The following KCTD17 variants were observed in gnomAD, a reference collection of about 807,000 sequenced individuals.
The protein encoded by KCTD17 is BTB/POZ domain-containing protein KCTD17.
A neutral mutation model predicts 41.5 loss-of-function variants in KCTD17; 20 were observed. The observed-to-expected ratio is 0.48, with a 90% CI of 0.34 to 0.70. The LOEUF (loss-of-function observed/expected upper bound fraction) is 0.70. Ranked by LOEUF, KCTD17 falls within the 30% of genes least tolerant of loss-of-function variation. The pLI is 0.01. For synonymous variants in KCTD17, 156 were observed against 173.8 expected, an observed-to-expected ratio of 0.90 and a Z score of 0.80; for missense variants, 317 against 427.2, an observed-to-expected ratio of 0.74 and a Z score of 2.27.
chr22:37,059,196 A>G (rs1925482101), intron 4 of KCTD17, 117 bp from the exon 5 acceptor site: 6 of 1,442,926 alleles, frequency 4.2e-6, no homozygotes, highest in Non-Finnish European at 5.7e-6. Flanking sequence ...GGGCCCGACA[A>G]GCCGCAAGAT....
rs754439410 is a variant in KCTD17, at chr22:37,060,828, G to A, written c.618G>A (p.Thr206=). ...SSESSRKTKS[T]EEQLEEQQQQ... ...GTCCGCCGGCTGGTTCACAGAGCAC[G>A]GAGGAGCAGCTGGAGGAGCAGCAGC... Residue 206 remains threonine, a synonymous_variant, in exon 6 of 9, where the codon ACG becomes ACA. Coordinates refer to ENST00000403888, the MANE Select transcript of KCTD17 (RefSeq NM_001282684.2). The A allele has an allele frequency of 4.6e-6, 7 of 1,512,084 alleles. No homozygotes were observed. The highest frequency in any genetic ancestry group is 4.9e-5 in the East Asian group (2 of 40,744). 93.7% of individuals were successfully genotyped at this position (1,512,084 alleles called of 1,614,324 possible). A position where few individuals can be genotyped will look rare whatever the true frequency, so the allele number is the denominator to read the frequency against.
chr22:37,057,704 GGC>G (rs1410004866), intron 4 of KCTD17, among the ~76,000 whole-genome samples: 1 of 152,226 alleles, frequency 6.6e-6, no homozygotes, highest in Non-Finnish European at 1.5e-5. Context: ...GAGCCCCAGT[GGC>G]CATAGGACAG....
Position 37,056,668 on chromosome 22 carries a change from C to T in KCTD17, c.390+257C>T, listed in dbSNP as rs184661225. On this transcript the variant is annotated intron_variant, in intron 3 of 8. Coordinates refer to ENST00000403888, the MANE Select transcript of KCTD17 (RefSeq NM_001282684.2). ...TGTGTTGGGCCAGGCTCGCCCTCTC[C>T]GGACCTTGATTTTCTCTTATGGGAT... is the stretch of plus-strand genomic sequence containing the variant. Among the ~76,000 whole-genome samples, 1,013 of 152,292 alleles carry T rather than the reference C, an allele frequency of 6.7e-3. 10 individuals carry two copies. Among genetic ancestry groups the T allele is most frequent in the African/African-American group, 0.023 (945 of 41,552 alleles).
chr22:37,062,577 C>T lies in KCTD17; in HGVS notation c.928C>T (p.Leu310Phe). The change falls in exon 9 of 9, where the codon CTT becomes TTT. Residue 310 changes from leucine to phenylalanine, a missense_variant. Physicochemically the swap from Leu to Phe is conservative, Grantham distance 22. Transcript: ENST00000403888. ...TGAGGCCCCAGATCACCTCCAGGGA[C>T]TTGGGGTTCCCATCTGAAATCCTTT... ...GCEAPDHLQG[L>F]GVPI The T allele has an allele frequency of 1.2e-6, 2 of 1,613,392 alleles. No individual in the cohort carries two copies. The highest frequency in any genetic ancestry group is 8.5e-7 in the Non-Finnish European group (1 of 1,179,708).
chr22:37,052,468 C>G (rs1303042097), intron 1 of KCTD17: 4 of 454,176 alleles, frequency 8.8e-6, no homozygotes, highest in Non-Finnish European at 1.8e-5. Context: ...CTGCCGCGAC[C>G]TTGAGTCGGA....
At chr22:37,052,755 C>T (rs1433176236) in intron 1 of KCTD17, 1 of 439,176 alleles carries the variant, frequency 2.3e-6, no homozygotes, top group Non-Finnish European at 4.6e-6. Flanking sequence ...GACAGTGGGG[C>T]TGGCTTCAGG....
At position 37,061,282 on chromosome 22, in the gene KCTD17, C is replaced by G. The variant is rs1925746727; in HGVS notation, c.784+107C>G. 3.9e-6 allele frequency: 6 copies of G among 1,535,640 alleles called. No individual in the cohort carries two copies. Among genetic ancestry groups the G allele is most frequent in the Non-Finnish European group, 5.2e-6 (6 of 1,144,128 alleles). The stretch of plus-strand genomic sequence containing the variant: ...GTTTTCTCTCTGCCTGCTCACGCCT[C>G]CATCCCGGGTCTGCCCTGGTCCCAG... On this transcript the variant is annotated intron_variant, in intron 7 of 8. Transcript: ENST00000403888. This position sits in a 1 kb window ranked among gnomAD's most constrained non-coding sequence, Gnocchi z 6.6.
At chr22:37,056,242 T>C in intron 2 of KCTD17, 78 bp from the exon 3 acceptor site, 2 of 1,286,098 alleles carry the variant, frequency 1.6e-6, no homozygotes, top group South Asian at 1.4e-5. Context: ...AGAGGTGGGT[T>C]TCGGGGTGGA....
intron 5 of KCTD17, 131 bp downstream of exon 5, chr22:37,059,569 C>A: frequency 9.2e-7 from 1 of 1,081,146 alleles, no homozygotes; most frequent in Non-Finnish European, 1.3e-6. Context: ...CAACCCCATG[C>A]TCACAGCCAC....
chr22:37,060,982 T>C, intron 6 of KCTD17, 60 bp downstream of exon 6: 1 of 1,542,716 alleles, frequency 6.5e-7, no homozygotes, highest in Non-Finnish European at 8.8e-7. Flanking sequence ...CGCCCACTCC[T>C]TGCTGGAGCC....
intron 2 of KCTD17, among the ~76,000 whole-genome samples, chr22:37,054,220 G>A (rs1289977165): frequency 6.6e-6 from 1 of 152,174 alleles, no homozygotes; most frequent in African/African-American, 2.4e-5. Context: ...TAATCCCTAG[G>A]GGAGCACAGA....
At chr22:37,062,425 G>A (rs544187968) in intron 8 of KCTD17, 100 bp from the exon 9 acceptor site, 387 of 582,232 alleles carry the variant, frequency 6.6e-4, no homozygotes, top group African/African-American at 4.1e-3. Flanking sequence ...TCCCCCACCC[G>A]TCAATCTCCT....
chr22:37,061,499 C>T lies in KCTD17; in HGVS notation c.785-40C>T. On this transcript the variant is annotated intron_variant, in intron 7 of 8. Coordinates refer to ENST00000403888, the MANE Select transcript of KCTD17 (RefSeq NM_001282684.2). The surrounding 1 kb of genome is among the most constrained non-coding windows in gnomAD (Gnocchi z 6.6). ...CCTGGCTGCAGGCCCTGCCCCCCCTCCTCTCCTCCCGGCCTCCTCCTCACG... is the reference window on the plus strand; with the variant it reads ...CCTGGCTGCAGGCCCTGCCCCCCCTTCTCTCCTCCCGGCCTCCTCCTCACG... 1 of 1,581,144 alleles carries T rather than the reference C, an allele frequency of 6.3e-7. No individual in the cohort carries two copies. Among genetic ancestry groups the T allele is most frequent in the Non-Finnish European group, 8.6e-7 (1 of 1,169,412 alleles).
intron 5 of KCTD17, 156 bp downstream of exon 5, chr22:37,059,594 T>C: frequency 1.2e-6 from 1 of 868,076 alleles, no homozygotes; most frequent in South Asian, 1.7e-5. Flanking sequence ...ATCCATCCCA[T>C]GCCACCTGCC....
chr22:37,060,284 G>A (rs1267157099), intron 5 of KCTD17, among the ~76,000 whole-genome samples: 2 of 152,258 alleles, frequency 1.3e-5, no homozygotes, highest in African/African-American at 4.8e-5. Flanking sequence ...CTGCTGTGAC[G>A]CACCCTGCCT....
intron 1 of KCTD17, 106 bp from the exon 2 acceptor site, chr22:37,052,994 C>T: frequency 1.1e-6 from 1 of 918,506 alleles, no homozygotes; most frequent in Middle Eastern, 2.2e-4. Flanking sequence ...CCTGCTCCAT[C>T]CAGGGAAGAG....
intron 8 of KCTD17, chr22:37,062,173 TC>T (rs1479584903): frequency 8.1e-6 from 8 of 985,244 alleles, no homozygotes; most frequent in Non-Finnish European, 9.6e-6. Flanking sequence ...GCCTGGGGCA[TC>T]AGTGCCTCTC....
chr22:37,061,855 C>T lies in KCTD17; in HGVS notation c.875+226C>T, dbSNP rs894682385. ...GCCAGGCTGGTGGGGAGGGAGGGAC[C>T]GCTGAAGCCAGAGGCCCTGGCCAAG... On this transcript the variant is annotated intron_variant, in intron 8 of 8. Transcript: ENST00000403888. This position sits in a 1 kb window ranked among gnomAD's most constrained non-coding sequence, Gnocchi z 6.6. 6 of 985,402 alleles carry T rather than the reference C, an allele frequency of 6.1e-6. No homozygotes were observed. The highest frequency in any genetic ancestry group is 1.1e-4 in the East Asian group (1 of 8,808). 61.0% of individuals were successfully genotyped at this position (985,402 alleles called of 1,614,324 possible).
chr22:37,055,375 TCCTAC>T (rs1427627158), intron 2 of KCTD17: 1 of 152,172 alleles, frequency 6.6e-6, no homozygotes, highest in Non-Finnish European at 1.5e-5. Flanking sequence ...AGAAGACTGA[TCCTAC>T]CCTGGGGACT....
Sources: gnomAD v4.1 joint callset for allele counts (sites outside exome capture counted in the v4.1 genomes callset) on GRCh38, gnomAD v4.1.1 for gene constraint, Gnocchi (gnomAD v3.1) non-coding constraint, MANE v1.5 for transcripts, NCBI Gene and HGNC (gene_info 2026-07-23, HGNC 2026-07-21) for gene names.